The following SPATS2 variants were observed in gnomAD, a reference collection of about 807,000 sequenced individuals.
SPATS2 encodes spermatogenesis associated serine rich 2.
In SPATS2, 38 loss-of-function variants were observed where a neutral mutation model predicts 63.7. The observed-to-expected ratio is 0.60, with a 90% CI of 0.46 to 0.78. The LOEUF (loss-of-function observed/expected upper bound fraction) is 0.78. Among genes scored for constraint, SPATS2 ranks in the 30% least tolerant of loss-of-function variants. SPATS2 has a pLI of 0.00. For synonymous variants in SPATS2, 207 were observed against 232.9 expected, an observed-to-expected ratio of 0.89 and a Z score of 1.01; for missense variants, 588 against 666.2, an observed-to-expected ratio of 0.88 and a Z score of 1.29.
chr12:49,470,634 T>C (rs932248329), intron 3 of SPATS2, among the ~76,000 whole-genome samples: 22 of 152,188 alleles, frequency 1.4e-4, no homozygotes, highest in African/African-American at 4.6e-4. Flanking sequence ...CTGGTTCTTA[T>C]CTGTTAGCAA....
chr12:49,490,626 G>A, intron 5 of SPATS2, 56 bp from the exon 6 acceptor site: 2 of 1,512,530 alleles, frequency 1.3e-6, no homozygotes, highest in South Asian at 1.1e-5. Context: ...ACTGACTCCT[G>A]CTTGACTACT....
chr12:49,508,727 G>T (rs1946694502), intron 9 of SPATS2, among the ~76,000 whole-genome samples: 1 of 151,136 alleles, frequency 6.6e-6, no homozygotes, highest in Non-Finnish European at 1.5e-5. Flanking sequence ...GAGCCACAGT[G>T]CCTGGCCCTG....
At chr12:49,413,879 A>G (rs960132838) in intron 2 of SPATS2, among the ~76,000 whole-genome samples, 1 of 152,210 alleles carries the variant, frequency 6.6e-6, no homozygotes, top group Admixed American at 6.5e-5. Flanking sequence ...TCAGAAATAC[A>G]GAAAAATGGG....
intron 3 of SPATS2, among the ~76,000 whole-genome samples, chr12:49,478,411 A>G (rs1396146573): frequency 1.3e-5 from 2 of 152,154 alleles, no homozygotes; most frequent in Non-Finnish European, 2.9e-5. Context: ...ACATGAAGAA[A>G]CTGAACTCCA....
At chr12:49,454,614 G>A (rs559650485) in intron 2 of SPATS2, among the ~76,000 whole-genome samples, 1 of 152,328 alleles carries the variant, frequency 6.6e-6, no homozygotes, top group South Asian at 2.1e-4. Flanking sequence ...CAGGCGTGGT[G>A]GCTCATGCCT....
chr12:49,460,120 CAA>C (rs1945796003), intron 2 of SPATS2, among the ~76,000 whole-genome samples: 1 of 151,196 alleles, frequency 6.6e-6, no homozygotes, highest in Admixed American at 6.6e-5. Context: ...AAAAAACAAA[CAA>C]ACAAACAAAA....
chr12:49,525,974 G>T lies in SPATS2; in HGVS notation c.1357G>T (p.Gly453Cys). The T allele has an allele frequency of 6.2e-7, 1 of 1,614,218 alleles. No individual in the cohort carries two copies. Among genetic ancestry groups the T allele is most frequent in the Non-Finnish European group, 8.5e-7 (1 of 1,180,038 alleles). ...VLPGNRRGGQGYRPQGQKSND... is the reference protein window; with the variant it reads ...VLPGNRRGGQCYRPQGQKSND... Reference sequence around the variant, plus strand: ...GCCAGGGAACAGACGAGGAGGACAGGGCTATAGGCCACAAGGCCAAAAGTC... The same window carrying T: ...GCCAGGGAACAGACGAGGAGGACAGTGCTATAGGCCACAAGGCCAAAAGTC... The change falls in exon 14 of 14, where the codon GGC (glycine) becomes TGC (cysteine). Residue 453 changes from glycine to cysteine, a missense_variant. Physicochemically the swap from Gly to Cys is radical, Grantham distance 159 (BLOSUM62 -3). Transcript: ENST00000552918.
intron 10 of SPATS2, among the ~76,000 whole-genome samples, chr12:49,516,670 C>T (rs1482839313): frequency 1.3e-5 from 2 of 151,120 alleles, no homozygotes; most frequent in Admixed American, 6.6e-5. Context: ...TGCGCCACTG[C>T]ACTCCAGCCT....
intron 2 of SPATS2, among the ~76,000 whole-genome samples, chr12:49,417,120 G>A (rs1944902039): frequency 6.6e-6 from 1 of 152,154 alleles, no homozygotes; most frequent in Non-Finnish European, 1.5e-5. Context: ...ACAGGACCTG[G>A]GAACTTTGGA....
intron 3 of SPATS2, among the ~76,000 whole-genome samples, chr12:49,475,045 G>T (rs1946095171): frequency 6.6e-6 from 1 of 152,150 alleles, no homozygotes; most frequent in Non-Finnish European, 1.5e-5. Flanking sequence ...CCATGATTCA[G>T]TCATCTCCCA....
At chr12:49,468,739 C>T (rs1290280888) in intron 3 of SPATS2, among the ~76,000 whole-genome samples, 11 of 151,686 alleles carry the variant, frequency 7.3e-5, no homozygotes, top group Non-Finnish European at 7.4e-5. Flanking sequence ...GACCTCCCAA[C>T]GTGCTGGGAT....
intron 2 of SPATS2, among the ~76,000 whole-genome samples, chr12:49,400,767 G>C (rs1381544643): frequency 6.6e-6 from 1 of 152,234 alleles, no homozygotes; most frequent in Non-Finnish European, 1.5e-5. Flanking sequence ...GTGGGAGAAT[G>C]AATGGATGAG....
intron 3 of SPATS2, among the ~76,000 whole-genome samples, chr12:49,475,427 CTTGTTGTTG>C (rs111655814): frequency 9.2e-5 from 14 of 151,390 alleles, no homozygotes; most frequent in East Asian, 3.9e-4. Context: ...TGGTAGAATT[CTTGTTGTTG>C]TTGTTGTTGT....
At chr12:49,410,158 C>A (rs1009782515) in intron 2 of SPATS2, among the ~76,000 whole-genome samples, 7 of 151,992 alleles carry the variant, frequency 4.6e-5, no homozygotes, top group African/African-American at 1.5e-4. Context: ...TCACTGCAGC[C>A]TCTGCCTCCC....
At chr12:49,393,570 C>T (rs1944456932) in intron 2 of SPATS2, among the ~76,000 whole-genome samples, 1 of 152,106 alleles carries the variant, frequency 6.6e-6, no homozygotes. Context: ...CCCCACTAAC[C>T]TCCAAAAATG....
intron 2 of SPATS2, among the ~76,000 whole-genome samples, chr12:49,402,938 G>T (rs7955541): frequency 0.3 from 44,891 of 151,984 alleles, 8,953 homozygotes; most frequent in African/African-American, 0.57. Context: ...TGGAGCAAAA[G>T]AGTGAAGGGA....
At chr12:49,446,497 G>C (rs1287737033) in intron 2 of SPATS2, among the ~76,000 whole-genome samples, 1 of 152,184 alleles carries the variant, frequency 6.6e-6, no homozygotes, top group Non-Finnish European at 1.5e-5. Flanking sequence ...GTGGCTGTAG[G>C]ACTGAGGTTC....
intron 2 of SPATS2, among the ~76,000 whole-genome samples, chr12:49,455,868 C>A (rs926452139): frequency 1.3e-5 from 2 of 152,218 alleles, no homozygotes; most frequent in Non-Finnish European, 2.9e-5. Flanking sequence ...GCAGTCCCCG[C>A]ACCTTGGCCT....
intron 3 of SPATS2, among the ~76,000 whole-genome samples, chr12:49,477,695 C>T (rs1336436853): frequency 1.3e-5 from 2 of 152,148 alleles, no homozygotes; most frequent in Non-Finnish European, 2.9e-5. Flanking sequence ...TACAATAGCA[C>T]ACTATAGTAA....
Sources: gnomAD v4.1 joint callset for allele counts (sites outside exome capture counted in the v4.1 genomes callset) on GRCh38, gnomAD v4.1.1 for gene constraint, MANE v1.5 for transcripts, NCBI Gene and HGNC (gene_info 2026-07-23, HGNC 2026-07-21) for gene names.